HMGB1: variants seen among roughly 807,000 people sequenced by gnomAD.
HMGB1 encodes the protein high mobility group box 1, also known as high mobility group protein B1.
For synonymous variants in HMGB1, 81 were observed against 84.0 expected, an observed-to-expected ratio of 0.96 and a Z score of 0.19; for missense variants, 79 against 253.5, an observed-to-expected ratio of 0.31 and a Z score of 4.67.
intron 1 of HMGB1, among the ~76,000 whole-genome samples, chr13:30,474,377 C>G (rs1887017237): frequency 6.6e-6 from 1 of 152,130 alleles, no homozygotes; most frequent in Non-Finnish European, 1.5e-5. Flanking sequence ...GAATTTTCAT[C>G]TATTATTGGA....
intron 1 of HMGB1, among the ~76,000 whole-genome samples, chr13:30,564,213 G>T (rs1266475838): frequency 2.7e-5 from 4 of 148,902 alleles, no homozygotes; most frequent in Non-Finnish European, 5.9e-5. Context: ...TGAGCGGATT[G>T]CTTGAGCCCA....
chr13:30,478,929 C>A (rs1383539633), intron 1 of HMGB1, among the ~76,000 whole-genome samples: 1 of 147,946 alleles, frequency 6.8e-6, no homozygotes, highest in Non-Finnish European at 1.5e-5. Context: ...AGTGCAGTGG[C>A]GCGATCTCAG....
In HMGB1 at chr13:30,456,948, T is replaced by G. The variant is rs1008401656; in HGVS notation, c.*4409A>C. 9.9e-5 allele frequency: 15 copies of G among 151,808 alleles called. No homozygotes were observed. Among genetic ancestry groups the G allele is most frequent in the African/African-American group, 3.6e-4 (15 of 41,266 alleles). The allele number at this position is 151,808 out of a possible 1,614,324, so 9.4% of individuals were successfully genotyped here. A position where few individuals can be genotyped will look rare whatever the true frequency, so the allele number is the denominator to read the frequency against. On this transcript the variant is annotated 3_prime_UTR_variant, in exon 5 of 5. Transcript: ENST00000341423. ...AGGAAACAATCTAAATGTCCATCAG[T>G]AAGGGAATGATGAAAAATATTATGG...
chr13:30,601,745 CAAAAAAAAAAAAAAAAAAAAAA>C (rs914063726), intron 1 of HMGB1, among the ~76,000 whole-genome samples: 40 of 3,542 alleles, frequency 0.011, 2 homozygotes, highest in East Asian at 0.087. Flanking sequence ...GACTCCGTCT[CAAAAAAAAAAAAAAAAAAAAAA>C]AAAAAAAAAA....
At chr13:30,516,609 AAGG>A (rs1888107410) in intron 1 of HMGB1, among the ~76,000 whole-genome samples, 1 of 152,168 alleles carries the variant, frequency 6.6e-6, no homozygotes, top group Non-Finnish European at 1.5e-5. Flanking sequence ...AGTCGATGTT[AAGG>A]AGGAGGTAGA....
rs750057171 is a variant in HMGB1 at position 30,458,537 on chromosome 13, G to C, written c.*2820C>G. ...GTAGAGGCGGGGTTTCACCACGTTA[G>C]CCAGGATGGTCTCAATCTCCTGACC... is the stretch of plus-strand genomic sequence containing the variant. On this transcript the variant is annotated 3_prime_UTR_variant, in exon 5 of 5. Transcript: ENST00000341423. The C allele has an allele frequency of 6.6e-6, 1 of 152,196 alleles. No individual in the cohort carries two copies. Among genetic ancestry groups the C allele is most frequent in the Non-Finnish European group, 1.5e-5 (1 of 68,102 alleles). 9.4% of individuals were successfully genotyped at this position (152,196 alleles called of 1,614,324 possible).
chr13:30,544,653 C>A (rs1041262537), intron 1 of HMGB1, among the ~76,000 whole-genome samples: 1 of 152,218 alleles, frequency 6.6e-6, no homozygotes, highest in Admixed American at 6.5e-5. Context: ...TGGCCCTATG[C>A]ATCTTTCCCA....
At chr13:30,540,600 T>C (rs1341176232) in intron 1 of HMGB1, 1 of 131,748 alleles carries the variant, frequency 7.6e-6, no homozygotes, top group African/African-American at 3.6e-5. Flanking sequence ...TTTTTTTTTT[T>C]GAGATGGAGT....
rs576663375 is a variant in HMGB1, at chr13:30,503,578, T to C, written c.-14-39884A>G. Reference sequence around the variant, plus strand: ...TTTCTGTTGCCAGCCTACAGATTTGTTTAATTAGCCATCTTCATTTGCGGC... The same window carrying C: ...TTTCTGTTGCCAGCCTACAGATTTGCTTAATTAGCCATCTTCATTTGCGGC... On this transcript the variant is annotated intron_variant, in intron 1 of 4. Coordinates refer to the HMGB1 transcript ENST00000405805. Among the ~76,000 whole-genome samples, 5 of 152,154 alleles carry C rather than the reference T, an allele frequency of 3.3e-5. 1 individual carries two copies. The East Asian group carries it at 7.7e-4, about 23-fold the overall frequency.
At position 30,465,893 on chromosome 13, in the gene HMGB1, G is replaced by C; in HGVS notation, c.-112C>G. ...AATGTACTGCAATGGCTGTGAGAGC[G>C]GGAGCCAGACGCAGCCTCCTCACTC... On this transcript the variant is annotated 5_prime_UTR_variant, in exon 1 of 5. Coordinates refer to ENST00000341423, the MANE Select transcript of HMGB1 (RefSeq NM_002128.7). 2 of 985,786 alleles carry C rather than the reference G, an allele frequency of 2.0e-6. No individual in the cohort carries two copies. Among genetic ancestry groups the C allele is most frequent in the Non-Finnish European group, 2.4e-6 (2 of 829,858 alleles). 61.1% of individuals were successfully genotyped at this position (985,786 alleles called of 1,614,324 possible).
At chr13:30,515,718 G>C (rs1312233118) in intron 1 of HMGB1, among the ~76,000 whole-genome samples, 1 of 146,808 alleles carries the variant, frequency 6.8e-6, no homozygotes. Context: ...CATTATTCTA[G>C]AAGGGATGTT....
chr13:30,593,980 A>T (rs879781374), intron 1 of HMGB1, among the ~76,000 whole-genome samples: 1 of 152,272 alleles, frequency 6.6e-6, no homozygotes, highest in Non-Finnish European at 1.5e-5. Flanking sequence ...TAGAGTATCA[A>T]TGTTAAACTT....
At chr13:30,538,504 T>TTC (rs1185583327) in intron 1 of HMGB1, among the ~76,000 whole-genome samples, 12 of 135,044 alleles carry the variant, frequency 8.9e-5, no homozygotes, top group African/African-American at 4.1e-4. Flanking sequence ...CTTTCTTTCT[T>TTC]TCTTTCCTTT....
intron 1 of HMGB1, among the ~76,000 whole-genome samples, chr13:30,520,368 C>T (rs1888209923): frequency 1.3e-5 from 2 of 151,512 alleles, no homozygotes; most frequent in Admixed American, 6.6e-5. Context: ...ACCTGTAATC[C>T]CAGCACATTG....
At chr13:30,497,951 T>A (rs1887649188) in intron 1 of HMGB1, among the ~76,000 whole-genome samples, 1 of 152,184 alleles carries the variant, frequency 6.6e-6, no homozygotes, top group South Asian at 2.1e-4. Context: ...TAGAATGATT[T>A]CTAGTCCTTT....
intron 1 of HMGB1, among the ~76,000 whole-genome samples, chr13:30,611,520 T>A (rs1950512856): frequency 6.6e-6 from 1 of 152,234 alleles, no homozygotes; most frequent in African/African-American, 2.4e-5. Flanking sequence ...GTGCTCTATT[T>A]TTCTTTGAAG....
chr13:30,531,579 G>A (rs957400509), intron 1 of HMGB1, among the ~76,000 whole-genome samples: 1 of 148,792 alleles, frequency 6.7e-6, no homozygotes, highest in Non-Finnish European at 1.5e-5. Flanking sequence ...TTTTTTTCCT[G>A]AATATGAAAG....
chr13:30,553,248 T>C (rs1455509372), intron 1 of HMGB1, among the ~76,000 whole-genome samples: 7 of 152,278 alleles, frequency 4.6e-5, no homozygotes, highest in Non-Finnish European at 7.4e-5. Context: ...CACAGTCTAT[T>C]CCTTGGTGTC....
intron 1 of HMGB1, among the ~76,000 whole-genome samples, chr13:30,498,464 G>C (rs1404920806): frequency 1.3e-5 from 2 of 151,942 alleles, no homozygotes; most frequent in African/African-American, 4.8e-5. Context: ...TAAGAGCTGT[G>C]GTGGGTATCA....
Sources: allele counts gnomAD v4.1 joint callset (sites outside exome capture counted in the v4.1 genomes callset), GRCh38; gene constraint gnomAD v4.1.1; transcripts MANE v1.5; gene names NCBI Gene and HGNC (gene_info 2026-07-23, HGNC 2026-07-21).